Variants in EXOC5 observed in about 807,000 individuals in gnomAD.
The protein encoded by EXOC5 is SEC10-like 1.
Under a neutral mutation model 90.8 loss-of-function variants are expected in EXOC5, and 17 were observed. The observed-to-expected ratio is 0.19, with a 90% CI of 0.13 to 0.28. EXOC5 has a LOEUF of 0.28. Ranked by LOEUF, EXOC5 falls within the 10% of genes least tolerant of loss-of-function variation. EXOC5 has a pLI of 1.00. For missense variants in EXOC5, 569 were observed against 830.6 expected, an observed-to-expected ratio of 0.69 and a Z score of 3.87; for synonymous variants, 260 against 270.0, an observed-to-expected ratio of 0.96 and a Z score of 0.36.
intron 11 of EXOC5, among the ~76,000 whole-genome samples, chr14:57,230,445 A>AC (rs11408994): frequency 0.24 from 35,594 of 147,820 alleles, 6,316 homozygotes; most frequent in African/African-American, 0.55. Flanking sequence ...ACACACACAC[A>AC]AACACACACA....
At chr14:57,210,986 G>T (rs1453918818) in intron 15 of EXOC5, among the ~76,000 whole-genome samples, 1 of 152,118 alleles carries the variant, frequency 6.6e-6, no homozygotes, top group Admixed American at 6.6e-5. Context: ...CAGAAAGCAG[G>T]ACCTCTTTGG....
rs960162395 is a variant in EXOC5 at position 57,202,452 on chromosome 14, G to A, written c.*6157C>T. The A allele has an allele frequency of 6.6e-6, 1 of 152,182 alleles. No homozygotes were observed. The highest frequency in any genetic ancestry group is 2.1e-4 in the South Asian group (1 of 4,832). 9.4% of individuals were successfully genotyped at this position (152,182 alleles called of 1,614,324 possible). On this transcript the variant is annotated 3_prime_UTR_variant, in exon 18 of 18. Coordinates refer to ENST00000621441, the MANE Select transcript of EXOC5 (RefSeq NM_006544.4). ...CTTGGAAATACAAAAGTATTGGAGGGTGGTGCAGCATCATGACAGCGACTT... is the reference window on the plus strand; with the variant it reads ...CTTGGAAATACAAAAGTATTGGAGGATGGTGCAGCATCATGACAGCGACTT...
chr14:57,207,530 T>C lies in EXOC5; in HGVS notation c.*1079A>G, dbSNP rs1186699509. The stretch of plus-strand genomic sequence containing the variant: ...TCCATTAACTATATCCAAGTAGGAA[T>C]AACTTCAGAAATGCTTTGAAAAAGG... On this transcript the variant is annotated 3_prime_UTR_variant, in exon 18 of 18. Transcript: ENST00000621441. The C allele has an allele frequency of 6.6e-6, 1 of 152,256 alleles. No homozygotes were observed. The highest frequency in any genetic ancestry group is 1.5e-5 in the Non-Finnish European group (1 of 67,986). 9.4% of individuals were successfully genotyped at this position (152,256 alleles called of 1,614,324 possible).
intron 1 of EXOC5, among the ~76,000 whole-genome samples, chr14:57,251,601 A>G (rs1884195750): frequency 6.6e-6 from 1 of 152,076 alleles, no homozygotes; most frequent in African/African-American, 2.4e-5. Context: ...AATCAACACA[A>G]CTTTAAAACT....
At chr14:57,246,578 T>A in intron 3 of EXOC5, 133 bp downstream of exon 3, 1 of 769,492 alleles carries the variant, frequency 1.3e-6, no homozygotes, top group Non-Finnish European at 2.2e-6. Context: ...TTTTACCCCA[T>A]GGGACTAAAG....
At chr14:57,248,616 C>T (rs1884094894) in intron 1 of EXOC5, among the ~76,000 whole-genome samples, 1 of 151,918 alleles carries the variant, frequency 6.6e-6, no homozygotes, top group African/African-American at 2.4e-5. Context: ...ATTTTTTAGA[C>T]TAATACACAC....
At chr14:57,218,743 T>A (rs1883042442) in intron 14 of EXOC5, among the ~76,000 whole-genome samples, 1 of 152,052 alleles carries the variant, frequency 6.6e-6, no homozygotes, top group African/African-American at 2.4e-5. Flanking sequence ...CAACAAAATG[T>A]CAAAAAATTT....
intron 1 of EXOC5, among the ~76,000 whole-genome samples, chr14:57,259,801 A>G (rs907208443): frequency 3.3e-5 from 5 of 152,166 alleles, no homozygotes; most frequent in African/African-American, 1.2e-4. Flanking sequence ...TCTTTTCTCC[A>G]TACTTAAATT....
At chr14:57,242,276 T>C (rs1883892315) in intron 4 of EXOC5, among the ~76,000 whole-genome samples, 1 of 152,066 alleles carries the variant, frequency 6.6e-6, no homozygotes, top group African/African-American at 2.4e-5. Flanking sequence ...AGACAGGGTC[T>C]GTCTGTCACC....
At chr14:57,210,098 T>A in intron 15 of EXOC5, 37 bp from the exon 16 acceptor site, 1 of 899,290 alleles carries the variant, frequency 1.1e-6, no homozygotes, top group Non-Finnish European at 1.8e-6. Context: ...TTAACCCATC[T>A]AACTTACTCT....
chr14:57,238,336 T>C, intron 5 of EXOC5, among the ~76,000 whole-genome samples: 1 of 126,342 alleles, frequency 7.9e-6, no homozygotes, highest in East Asian at 2.3e-4. Flanking sequence ...GTTGAATATA[T>C]ATCCTAATTA....
In EXOC5 at chr14:57,207,065, G is replaced by GCCATAATGTC. The variant is rs1001423372; in HGVS notation, c.*1534_*1543dup. 9.2e-5 allele frequency: 14 copies of GCCATAATGTC among 152,368 alleles called. No homozygotes were observed. The highest frequency in any genetic ancestry group is 8.5e-4 in the Admixed American group (13 of 15,234). 9.4% of individuals were successfully genotyped at this position (152,368 alleles called of 1,614,324 possible). On this transcript the variant is annotated 3_prime_UTR_variant, in exon 18 of 18. Coordinates refer to ENST00000621441, the MANE Select transcript of EXOC5 (RefSeq NM_006544.4). ...AGAAACAAGACAGCCTTCTAAAGCT[G>GCCATAATGTC]CCATAATGTCCTAAAATGCTCTGAA...
In EXOC5 at chr14:57,232,733, T is replaced by C; in HGVS notation, c.872A>G (p.Gln291Arg). The C allele has an allele frequency of 3.3e-6, 5 of 1,529,808 alleles. No homozygotes were observed. The South Asian group carries it at 4.8e-5, about 15-fold the overall frequency. 94.8% of individuals were successfully genotyped at this position (1,529,808 alleles called of 1,614,324 possible). ...ATCGGACTTCCTACATTCTTCTAAC[T>C]GCTCTTTCACAAAACTCTAAAAGAA... Reference protein sequence around the residue: ...EIKLQSFVKEQLEECRKSDAE... With the variant: ...EIKLQSFVKERLEECRKSDAE... The change falls in exon 10 of 18, where the codon CAG (glutamine) becomes CGG (arginine). Residue 291 changes from glutamine (Q) to arginine (R), a missense_variant. By Grantham distance (43) the Gln-to-Arg change is conservative. Around this residue, in one of 9 missense-constraint regions of EXOC5, gnomAD observed 114 missense variants for 111.2 expected, o/e 1.03. Transcript: ENST00000621441.
intron 1 of EXOC5, among the ~76,000 whole-genome samples, chr14:57,266,276 T>A (rs6573140): frequency 2.0e-5 from 3 of 152,074 alleles, no homozygotes; most frequent in African/African-American, 7.3e-5. Flanking sequence ...CCCGTGACTC[T>A]TACTACAACC....
chr14:57,230,611 T>C (rs1457667457), intron 11 of EXOC5, among the ~76,000 whole-genome samples: 1 of 152,212 alleles, frequency 6.6e-6, no homozygotes, highest in Non-Finnish European at 1.5e-5. Flanking sequence ...CATGTGGGGA[T>C]TCTGGACTTT....
intron 12 of EXOC5, among the ~76,000 whole-genome samples, chr14:57,224,798 A>C (rs1289137531): frequency 6.6e-6 from 1 of 152,216 alleles, no homozygotes; most frequent in African/African-American, 2.4e-5. Context: ...GTGGTGGCTC[A>C]CACCTGTAAT....
At chr14:57,228,852 T>TAA (rs574621292) in intron 12 of EXOC5, among the ~76,000 whole-genome samples, 1,216 of 70,424 alleles carry the variant, frequency 0.017, 11 homozygotes, top group Middle Eastern at 0.054. Context: ...ACTTAAAGTA[T>TAA]AAAAAAAAAA....
intron 6 of EXOC5, among the ~76,000 whole-genome samples, chr14:57,236,250 T>C (rs922876591): frequency 2.6e-5 from 4 of 151,692 alleles, no homozygotes; most frequent in Admixed American, 2.6e-4. Context: ...CCAAATCTCA[T>C]CCTGATAATA....
chr14:57,201,885 C>CAAAT lies in EXOC5; in HGVS notation c.*6720_*6723dup, dbSNP rs372823070. 5.3e-5 allele frequency: 8 copies of CAAAT among 151,412 alleles called. No homozygotes were observed. The highest frequency in any genetic ancestry group is 1.0e-4 in the Non-Finnish European group (7 of 67,942). The allele number at this position is 151,412 out of a possible 1,614,324, so 9.4% of individuals were successfully genotyped here. ...GGGCAACAGAGCGAGACTCTGTCTG[C>CAAAT]AAATAAATAAATAAGGGGGACCTAT... is the stretch of plus-strand genomic sequence containing the variant. On this transcript the variant is annotated 3_prime_UTR_variant, in exon 18 of 18. Transcript: ENST00000621441.
Sources: allele counts gnomAD v4.1 joint callset (sites outside exome capture counted in the v4.1 genomes callset), GRCh38; gene constraint gnomAD v4.1.1; regional missense constraint gnomAD v4.1.1; transcripts MANE v1.5; gene names NCBI Gene and HGNC (gene_info 2026-07-23, HGNC 2026-07-21).